CDHR1: variants seen among roughly 807,000 people sequenced by gnomAD.
The protein encoded by CDHR1 is cadherin-related family member 1.
A neutral mutation model predicts 72.1 loss-of-function variants in CDHR1; 61 were observed. The ratio of observed to expected loss-of-function variants is 0.85; its 90% CI spans 0.69 to 1.05. The LOEUF (loss-of-function observed/expected upper bound fraction) is 1.05. CDHR1 is among the 50% of genes least tolerant of loss of function. CDHR1 has a pLI of 0.00. For missense variants in CDHR1, 1,186 were observed against 1,115.7 expected (o/e 1.06, Z -0.90); for synonymous variants, 470 against 448.1 (o/e 1.05, Z -0.62).
chr10:84,194,614 C>G lies in CDHR1; in HGVS notation c.-147C>G. 9.3e-6 allele frequency: 5 copies of G among 539,764 alleles called. No homozygotes were observed. In the South Asian group the frequency reaches 1.6e-4, roughly 17 times the overall value. The allele number at this position is 539,764 out of a possible 1,614,324, so 33.4% of individuals were successfully genotyped here. A position where few individuals can be genotyped will look rare whatever the true frequency, so the allele number is the denominator to read the frequency against. ...CTCTTAGCGCCCTCACGCCACCCGC[C>G]GCTCCCGCCCCGTGCCCCCTCCCGC... On this transcript the variant is annotated 5_prime_UTR_variant, in exon 1 of 17. Coordinates refer to ENST00000623527, the MANE Select transcript of CDHR1 (RefSeq NM_033100.4).
chr10:84,217,876 G>C lies in CDHR1; in HGVS notation c.*3255G>C. The C allele has an allele frequency of 1.0e-6, 1 of 985,488 alleles. No homozygotes were observed. The highest frequency in any genetic ancestry group is 4.7e-5 in the South Asian group (1 of 21,292). The allele number at this position is 985,488 out of a possible 1,614,324, so 61.0% of individuals were successfully genotyped here. A position where few individuals can be genotyped will look rare whatever the true frequency, so the allele number is the denominator to read the frequency against. ...GGCGTTGACATTCCAGGGGAGTTAG[G>C]AACAATGAGAGGTCTCTAAGAACTT... On this transcript the variant is annotated 3_prime_UTR_variant, in exon 17 of 17. Transcript: ENST00000623527.
intron 2 of CDHR1, 44 bp downstream of exon 2, chr10:84,195,633 G>A (rs761396262): frequency 6.5e-7 from 1 of 1,530,806 alleles, no homozygotes; most frequent in South Asian, 1.1e-5. Flanking sequence ...TCCCTGAGGG[G>A]TGCAGGCAGA....
downstream of CDHR1, chr10:84,219,049 C>T (rs557030996): frequency 2.5e-6 from 2 of 799,306 alleles, no homozygotes; most frequent in Middle Eastern, 4.7e-4. Context: ...GGTGAGAACA[C>T]TAATGTACTA....
downstream of CDHR1, chr10:84,219,522 T>G (rs375543137): frequency 2.7e-5 from 13 of 488,002 alleles, no homozygotes; most frequent in East Asian, 6.5e-5. Context: ...GCCCAGGCTA[T>G]TTCATGATGG....
rs1564655447 is a variant in CDHR1 at position 84,196,489 on chromosome 10, C to T, written c.152-16C>T. The T allele has an allele frequency of 8.1e-6, 13 of 1,614,064 alleles. No homozygotes were observed. The highest frequency in any genetic ancestry group is 1.0e-5 in the Non-Finnish European group (12 of 1,179,992). On this transcript the variant is annotated splice_polypyrimidine_tract_variant and intron_variant, in intron 2 of 16. Coordinates refer to ENST00000623527, the MANE Select transcript of CDHR1 (RefSeq NM_033100.4). ...GGGTCTCAGATTCTATGTCTCTCCA[C>T]TGTGTTTCCTTCCAGGCTCTCACGT...
chr10:84,207,982 G>A (rs904237663), intron 10 of CDHR1, among the ~76,000 whole-genome samples, 192 bp from the exon 11 acceptor site: 1 of 152,178 alleles, frequency 6.6e-6, no homozygotes, highest in Admixed American at 6.5e-5. Flanking sequence ...CAAGACAGAC[G>A]TTACAATCTC....
rs1448187800 is a variant in CDHR1, at chr10:84,201,961, C to T, written c.639+41C>T. 5 of 1,499,406 alleles carry T rather than the reference C, an allele frequency of 3.3e-6. No individual in the cohort carries two copies. In the South Asian group the frequency reaches 3.4e-5, roughly 10 times the overall value. The allele number at this position is 1,499,406 out of a possible 1,614,324, so 92.9% of individuals were successfully genotyped here. A position where few individuals can be genotyped will look rare whatever the true frequency, so the allele number is the denominator to read the frequency against. On this transcript the variant is annotated intron_variant, in intron 7 of 16. Coordinates refer to ENST00000623527, the MANE Select transcript of CDHR1 (RefSeq NM_033100.4). The stretch of plus-strand genomic sequence containing the variant: ...AGGGGAGCATCCAGTGTCTCCTCAG[C>T]CCTTGGGTTGGAACCAAGTTAGGTT...
At chr10:84,218,724 G>T, downstream of CDHR1, 1 of 993,960 alleles carries the variant, frequency 1.0e-6, no homozygotes. Flanking sequence ...TTTTCAACAT[G>T]AATTAAACAG....
chr10:84,203,401 G>A (rs555138115), intron 8 of CDHR1, among the ~76,000 whole-genome samples: 8 of 152,088 alleles, frequency 5.3e-5, no homozygotes, highest in East Asian at 1.9e-4. Context: ...CTCAATTTGC[G>A]TTTGTCTGAT....
At chr10:84,197,526 G>T (rs1425043556) in intron 3 of CDHR1, among the ~76,000 whole-genome samples, 1 of 152,160 alleles carries the variant, frequency 6.6e-6, no homozygotes, top group Non-Finnish European at 1.5e-5. Flanking sequence ...TTCTGTTGGA[G>T]CCCCAACAGA....
chr10:84,213,489 AAC>A (rs1219055492), intron 16 of CDHR1, 141 bp downstream of exon 16: 4 of 1,136,082 alleles, frequency 3.5e-6, no homozygotes, highest in South Asian at 2.6e-5. Flanking sequence ...TGTGCCATCA[AAC>A]ACACAGTCTT....
rs745676496 is a variant in CDHR1 at position 84,213,289 on chromosome 10, C to G, written c.1981C>G (p.Arg661Gly). The G allele has an allele frequency of 6.2e-7, 1 of 1,614,094 alleles. No individual in the cohort carries two copies. The highest frequency in any genetic ancestry group is 8.5e-7 in the Non-Finnish European group (1 of 1,180,052). The stretch of plus-strand genomic sequence containing the variant: ...GTCCCTAGAGGTGCAGGCCAAGGAC[C>G]GGGGCTCCCCATCCTTCAGCACCAC... ...LWSLEVQAKDRGSPSFSTTAL... is the reference protein window; with the variant it reads ...LWSLEVQAKDGGSPSFSTTAL... Residue 661 changes from arginine to glycine, a missense_variant, in exon 16 of 17, where the codon CGG (arginine) becomes GGG (glycine). Physicochemically the swap from Arg to Gly is moderately radical, Grantham distance 125. Transcript: ENST00000623527.
At chr10:84,199,411 C>T (rs1199981430) in intron 5 of CDHR1, among the ~76,000 whole-genome samples, 3 of 152,138 alleles carry the variant, frequency 2.0e-5, no homozygotes, top group African/African-American at 7.2e-5. Flanking sequence ...GGTGTATTTC[C>T]TTCTAGTCCT....
At chr10:84,205,649 G>A in intron 9 of CDHR1, 178 bp from the exon 10 acceptor site, 1 of 662,612 alleles carries the variant, frequency 1.5e-6, no homozygotes, top group Non-Finnish European at 2.7e-6. Context: ...CACTAACTGT[G>A]TAGCCTTAGA....
chr10:84,194,731 C>A lies in CDHR1; in HGVS notation c.-30C>A. On this transcript the variant is annotated 5_prime_UTR_variant, in exon 1 of 17. Transcript: ENST00000623527. ...GTGCCCCTGCGCCCGGTCTCGGCGG[C>A]GGCAGGCGACACTCCGCGCCGGCGG... The A allele has an allele frequency of 7.5e-6, 11 of 1,468,278 alleles. No homozygotes were observed. The highest frequency in any genetic ancestry group is 9.8e-6 in the Non-Finnish European group (11 of 1,120,626). The allele number at this position is 1,468,278 out of a possible 1,614,324, so 91.0% of individuals were successfully genotyped here. A position where few individuals can be genotyped will look rare whatever the true frequency, so the allele number is the denominator to read the frequency against.
rs751154635 is a variant in CDHR1 at position 84,201,790 on chromosome 10, C to T, written c.526-17C>T. On this transcript the variant is annotated splice_polypyrimidine_tract_variant and intron_variant, in intron 6 of 16. Transcript: ENST00000623527. ...CTGCATTCTTGCTGAGGTCCAGCTGCCCCCTAATTCTTATAGAACCTGCAC... is the reference window on the plus strand; with the variant it reads ...CTGCATTCTTGCTGAGGTCCAGCTGTCCCCTAATTCTTATAGAACCTGCAC... The T allele has an allele frequency of 1.9e-6, 3 of 1,601,828 alleles. No individual in the cohort carries two copies. The highest frequency in any genetic ancestry group is 1.7e-6 in the Non-Finnish European group (2 of 1,173,858).
intron 11 of CDHR1, 121 bp downstream of exon 11, chr10:84,208,498 A>C: frequency 8.6e-7 from 1 of 1,157,650 alleles, no homozygotes; most frequent in Non-Finnish European, 1.3e-6. Flanking sequence ...GGGCCACAAA[A>C]TGAATGAAAC....
At chr10:84,195,796 C>G (rs1842019846) in intron 2 of CDHR1, among the ~76,000 whole-genome samples, 2 of 151,938 alleles carry the variant, frequency 1.3e-5, no homozygotes, top group African/African-American at 2.4e-5. Flanking sequence ...GACCAGGGCT[C>G]CCCCCCACAG....
chr10:84,199,110 C>T lies in CDHR1; in HGVS notation c.427C>T (p.Leu143=). Reference sequence around the variant, plus strand: ...GTTCATCCAGGAGCCTTATGTTGCCCTGGTTCCCGAGGTAAGTGAGGAGCT... The same window carrying T: ...GTTCATCCAGGAGCCTTATGTTGCCTTGGTTCCCGAGGTAAGTGAGGAGCT... ...PRFIQEPYVA[L]VPEDIPAGSI... The change falls in exon 5 of 17, where the codon CTG becomes TTG. Residue 143 remains leucine, a synonymous_variant. Coordinates refer to ENST00000623527, the MANE Select transcript of CDHR1 (RefSeq NM_033100.4). 6.4e-7 allele frequency: 1 copy of T among 1,551,186 alleles called. No homozygotes were observed. Among genetic ancestry groups the T allele is most frequent in the East Asian group, 2.4e-5 (1 of 40,914 alleles).
Sources: gnomAD v4.1 joint callset for allele counts (sites outside exome capture counted in the v4.1 genomes callset) on GRCh38, gnomAD v4.1.1 for gene constraint, MANE v1.5 for transcripts, NCBI Gene and HGNC (gene_info 2026-07-23, HGNC 2026-07-21) for gene names.